The following TTC28 variants were observed in gnomAD, a reference collection of about 807,000 sequenced individuals.
The protein encoded by TTC28 is tetratricopeptide repeat protein 28.
TTC28 carries 61 observed loss-of-function variants against 198.0 expected under a neutral mutation model. The ratio of observed to expected loss-of-function variants is 0.31; its 90% CI spans 0.25 to 0.38. The LOEUF is 0.38. TTC28 is among the 10% of genes least tolerant of loss of function. TTC28 has a pLI of 1.00. For missense variants in TTC28, 2,678 were observed against 3,164.0 expected, an observed-to-expected ratio of 0.85 and a Z score of 3.69; for synonymous variants, 1,171 against 1,297.8, an observed-to-expected ratio of 0.90 and a Z score of 2.10.
chr22:27,983,045 C>T lies in TTC28; in HGVS notation c.6622G>A (p.Ala2208Thr), dbSNP rs1271518822. 3 of 1,551,730 alleles carry T rather than the reference C, an allele frequency of 1.9e-6. No individual in the cohort carries two copies. The highest frequency in any genetic ancestry group is 2.6e-6 in the Non-Finnish European group (3 of 1,147,002). ...QAPSSTAVFR[A>T]SETSAFSRPV... The stretch of plus-strand genomic sequence containing the variant: ...CTGCTGAACGCACTGGTTTCTGACG[C>T]TCTGAAGACAGCAGTGCTGCTGGGC... The change falls in exon 23 of 23, where the codon GCG becomes ACG. Residue 2208 changes from alanine (A) to threonine (T), a missense_variant. By Grantham distance (58) the Ala-to-Thr change is moderately conservative. Transcript: ENST00000397906.
At chr22:28,123,240 GTTTT>G (rs896857365) in intron 6 of TTC28, among the ~76,000 whole-genome samples, 8 of 147,228 alleles carry the variant, frequency 5.4e-5, no homozygotes, top group African/African-American at 9.9e-5. Flanking sequence ...ACTGTTTCAG[GTTTT>G]TTTTTTTGTT....
At chr22:28,064,391 CTG>C (rs1431581451) in intron 12 of TTC28, among the ~76,000 whole-genome samples, 1 of 152,074 alleles carries the variant, frequency 6.6e-6, no homozygotes, top group Non-Finnish European at 1.5e-5. Context: ...CTCTCTGATT[CTG>C]TGTTTCCAAG....
chr22:28,150,512 C>A (rs1943581214), intron 6 of TTC28, among the ~76,000 whole-genome samples: 2 of 152,082 alleles, frequency 1.3e-5, no homozygotes, highest in Admixed American at 1.3e-4. Context: ...TAAAGTCACC[C>A]CAAAACAGAT....
intron 12 of TTC28, among the ~76,000 whole-genome samples, chr22:28,048,423 T>A (rs1939951091): frequency 6.6e-6 from 1 of 151,946 alleles, no homozygotes; most frequent in Non-Finnish European, 1.5e-5. Flanking sequence ...AGACCCTTTA[T>A]GTCCTCTCAG....
intron 6 of TTC28, among the ~76,000 whole-genome samples, chr22:28,113,433 A>G (rs934822899): frequency 1.3e-5 from 2 of 152,330 alleles, no homozygotes; most frequent in African/African-American, 4.8e-5. Flanking sequence ...CCATGGGTTC[A>G]CTTTCTAAAT....
intron 1 of TTC28, among the ~76,000 whole-genome samples, chr22:28,662,150 A>G (rs983977551): frequency 6.6e-6 from 1 of 152,216 alleles, no homozygotes; most frequent in Non-Finnish European, 1.5e-5. Context: ...CTTAATGTCA[A>G]ATACTGCTTG....
chr22:28,218,517 T>C (rs1415893786), intron 5 of TTC28, among the ~76,000 whole-genome samples: 2 of 152,072 alleles, frequency 1.3e-5, no homozygotes, highest in African/African-American at 4.8e-5. Flanking sequence ...ATAAAATTTC[T>C]CCAAATATTA....
intron 2 of TTC28, among the ~76,000 whole-genome samples, chr22:28,460,611 A>G (rs1213779657): frequency 3.2e-3 from 2 of 618 alleles, no homozygotes; most frequent in African/African-American, 6.4e-3. Context: ...TTAATGGTAG[A>G]TAGATAGATA....
At position 28,322,348 on chromosome 22, in the gene TTC28, A is replaced by T. The variant is rs184491169; in HGVS notation, c.382-15705T>A. On this transcript the variant is annotated intron_variant, in intron 2 of 22. Coordinates refer to ENST00000397906, the MANE Select transcript of TTC28 (RefSeq NM_001145418.2). ...CAGTCAACTGCCAAAGTATAAACAT[A>T]AAAAAAAATTTTTTGACTGAAAAGT... Among the ~76,000 whole-genome samples the T allele has an allele frequency of 7.2e-5, 11 of 152,044 alleles. No homozygotes were observed. The East Asian group carries it at 2.1e-3, about 29-fold the overall frequency.
At chr22:28,417,719 C>T (rs965965336) in intron 2 of TTC28, among the ~76,000 whole-genome samples, 4 of 152,142 alleles carry the variant, frequency 2.6e-5, no homozygotes, top group African/African-American at 9.7e-5. Context: ...AGCTTCCTGA[C>T]AGAAAAATGG....
intron 5 of TTC28, among the ~76,000 whole-genome samples, chr22:28,274,900 A>G (rs1440346914): frequency 1.3e-5 from 2 of 148,742 alleles, no homozygotes; most frequent in Non-Finnish European, 1.5e-5. Flanking sequence ...AATCACTTGA[A>G]CCCAGAAGGT....
intron 2 of TTC28, among the ~76,000 whole-genome samples, chr22:28,498,454 A>T (rs936492117): frequency 3.3e-5 from 5 of 152,216 alleles, no homozygotes; most frequent in Admixed American, 6.5e-5. Flanking sequence ...CCTAAACAAG[A>T]CATTAATAGG....
chr22:28,521,354 C>T (rs2146428104), intron 2 of TTC28, among the ~76,000 whole-genome samples: 1 of 152,132 alleles, frequency 6.6e-6, no homozygotes. Flanking sequence ...TTATGATGAG[C>T]CGTGACCAAG....
At chr22:28,010,579 C>T (rs1270078531) in intron 14 of TTC28, among the ~76,000 whole-genome samples, 1 of 152,226 alleles carries the variant, frequency 6.6e-6, no homozygotes, top group Non-Finnish European at 1.5e-5. Context: ...ATAGTCACTG[C>T]CTTCAACTGG....
Position 28,001,487 on chromosome 22 carries a change from G to A in TTC28, c.4285C>T (p.Leu1429Phe). ...RQLILVLEGE[L>F]YLIPFALLKG... ...AGGAGGGCGAAAGGAATGAGGTAGA[G>A]CTCCCCCTCCAGAACCAGGATGAGC... The change falls in exon 15 of 23, where the codon CTC becomes TTC. Residue 1429 changes from leucine to phenylalanine, a missense_variant. Leu to Phe is a conservative substitution (Grantham distance 22). Coordinates refer to ENST00000397906, the MANE Select transcript of TTC28 (RefSeq NM_001145418.2). The A allele has an allele frequency of 6.4e-7, 1 of 1,551,516 alleles. No individual in the cohort carries two copies. Among genetic ancestry groups the A allele is most frequent in the East Asian group, 2.4e-5 (1 of 40,918 alleles).
intron 17 of TTC28, among the ~76,000 whole-genome samples, chr22:27,995,706 G>C (rs1937539168): frequency 6.6e-6 from 1 of 152,176 alleles, no homozygotes; most frequent in Admixed American, 6.5e-5. Context: ...ACCCCTTCCA[G>C]ATGAGAACAC....
intron 5 of TTC28, among the ~76,000 whole-genome samples, chr22:28,201,083 A>G (rs1455346776): frequency 6.6e-6 from 1 of 152,160 alleles, no homozygotes; most frequent in African/African-American, 2.4e-5. Context: ...GGATAGTGTT[A>G]TCTCACTTCA....
At chr22:28,570,727 T>C (rs1206704514) in intron 2 of TTC28, among the ~76,000 whole-genome samples, 3 of 152,162 alleles carry the variant, frequency 2.0e-5, no homozygotes, top group Non-Finnish European at 4.4e-5. Flanking sequence ...ATGGTTAAAA[T>C]GACATATTTT....
intron 14 of TTC28, chr22:28,002,721 C>CA: frequency 6.6e-6 from 1 of 152,306 alleles, no homozygotes; most frequent in Admixed American, 6.5e-5. Context: ...CAGCATGGGC[C>CA]AGGCACCAGT....
Sources: allele counts gnomAD v4.1 joint callset (sites outside exome capture counted in the v4.1 genomes callset), GRCh38; gene constraint gnomAD v4.1.1; transcripts MANE v1.5; gene names NCBI Gene and HGNC (gene_info 2026-07-23, HGNC 2026-07-21).